ZNF610: variants seen among roughly 807,000 people sequenced by gnomAD.
The protein encoded by ZNF610 is zink finger protein.
Under a neutral mutation model 14.1 loss-of-function variants are expected in ZNF610, and 14 were observed. The ratio of observed to expected loss-of-function variants is 0.99; its 90% confidence interval spans 0.65 to 1.55. ZNF610 has a LOEUF of 1.55. Ranked by LOEUF, ZNF610 falls within the 40% of genes most tolerant of loss-of-function variation. ZNF610 has a pLI of 0.00. For synonymous variants in ZNF610, 185 were observed against 187.6 expected (o/e 0.99, Z 0.11); for missense variants, 530 against 558.0 (o/e 0.95, Z 0.51).
At position 52,366,783 on chromosome 19, in the gene ZNF610, T is replaced by C. The variant is rs1484382567; in HGVS notation, c.*16T>C. 6.3e-7 allele frequency: 1 copy of C among 1,586,180 alleles called. No individual in the cohort carries two copies. The highest frequency in any genetic ancestry group is 8.6e-7 in the Non-Finnish European group (1 of 1,160,340). On this transcript the variant is annotated 3_prime_UTR_variant, in exon 6 of 6. Coordinates refer to ENST00000403906, the MANE Select transcript of ZNF610 (RefSeq NM_001161425.2). ...GATGGAATGAATGTGGCAAAATCTT[T>C]AGTTAGAATTCACACCTAGCACAAC...
At position 52,365,987 on chromosome 19, in the gene ZNF610, A is replaced by T. The variant is rs376232739; in HGVS notation, c.609A>T (p.Glu203Asp). The change falls in exon 6 of 6, where the codon GAA becomes GAT. Residue 203 changes from glutamate to aspartate, a missense_variant. Transcript: ENST00000403906. Reference protein sequence around the residue: ...EKAYIRGKSYEYECSEDGEVF... With the variant: ...EKAYIRGKSYDYECSEDGEVF... ...CATACATTAGAGGAAAATCTTATGA[A>T]TATGAATGTAGTGAAGATGGTGAAG... is the stretch of plus-strand genomic sequence containing the variant. 5.0e-5 allele frequency: 80 copies of T among 1,614,030 alleles called. No homozygotes were observed. Among genetic ancestry groups the T allele is most frequent in the Admixed American group, 1.3e-4 (8 of 59,992 alleles).
Position 52,366,433 on chromosome 19 carries a change from T to G in ZNF610, c.1055T>G (p.Val352Gly). 3 of 1,614,158 alleles carry G rather than the reference T, an allele frequency of 1.9e-6. No homozygotes were observed. Among genetic ancestry groups the G allele is most frequent in the Non-Finnish European group, 2.5e-6 (3 of 1,180,028 alleles). ...TACAAATGTAATGAATGTGGCAAGG[T>G]CTTTAGTCTGCTTTCATACCTTGCA... The part of the protein sequence containing the change: ...KPYKCNECGK[V>G]FSLLSYLARH... The change falls in exon 6 of 6, where the codon GTC becomes GGC. Residue 352 changes from valine (V) to glycine (G), a missense_variant. Val to Gly is a moderately radical substitution (Grantham distance 109). Transcript: ENST00000403906.
chr19:52,356,250 G>A (rs1398954031), intron 5 of ZNF610, among the ~76,000 whole-genome samples: 2 of 152,148 alleles, frequency 1.3e-5, no homozygotes, highest in Admixed American at 6.5e-5. Context: ...GGAGTAGGTG[G>A]CTCTTCTGAG....
In ZNF610 at chr19:52,353,730, T is replaced by A. The variant is rs750337024; in HGVS notation, c.112T>A (p.Trp38Arg). Reference protein sequence around the residue: ...DVAIEFSQEEWKSLDPGQRAL... With the variant: ...DVAIEFSQEERKSLDPGQRAL... ...GGCCATCGAATTCTCTCAGGAGGAGTGGAAATCCCTGGACCCTGGACAGAG... is the reference window on the plus strand; with the variant it reads ...GGCCATCGAATTCTCTCAGGAGGAGAGGAAATCCCTGGACCCTGGACAGAG... Residue 38 changes from tryptophan (W) to arginine (R), a missense_variant, in exon 4 of 6, where the codon TGG becomes AGG. Trp to Arg is a moderately radical substitution (Grantham distance 101). Coordinates refer to ENST00000403906, the MANE Select transcript of ZNF610 (RefSeq NM_001161425.2). 3.7e-6 allele frequency: 6 copies of A among 1,613,912 alleles called. No individual in the cohort carries two copies. The South Asian group carries it at 6.6e-5, about 18-fold the overall frequency.
At chr19:52,337,155 C>T (rs538662843) in intron 1 of ZNF610, among the ~76,000 whole-genome samples, 55 of 151,914 alleles carry the variant, frequency 3.6e-4, no homozygotes, top group Middle Eastern at 6.8e-3. Flanking sequence ...GGGAGAGGGG[C>T]AGAAAGGGGG....
intron 5 of ZNF610, among the ~76,000 whole-genome samples, chr19:52,364,332 A>G (rs1985920529): frequency 6.6e-6 from 1 of 152,112 alleles, no homozygotes; most frequent in Non-Finnish European, 1.5e-5. Flanking sequence ...TCAGGATACT[A>G]TGTTTCCATA....
intron 3 of ZNF610, among the ~76,000 whole-genome samples, chr19:52,352,246 T>G (rs1985291947): frequency 6.6e-6 from 1 of 151,872 alleles, no homozygotes; most frequent in Admixed American, 6.6e-5. Flanking sequence ...TCTTTTTTTA[T>G]TTTTTTTGAG....
At chr19:52,348,341 A>G (rs1985065801) in intron 2 of ZNF610, 1 of 152,260 alleles carries the variant, frequency 6.6e-6, no homozygotes, top group African/African-American at 2.4e-5. Flanking sequence ...AATGCTATGT[A>G]GTTGTTATAC....
At chr19:52,359,689 C>T (rs1985689074) in intron 5 of ZNF610, among the ~76,000 whole-genome samples, 1 of 152,062 alleles carries the variant, frequency 6.6e-6, no homozygotes, top group Non-Finnish European at 1.5e-5. Context: ...GAGTTTTTTC[C>T]CACACATCAA....
chr19:52,344,743 T>C (rs1392346166), intron 1 of ZNF610, among the ~76,000 whole-genome samples: 1 of 152,196 alleles, frequency 6.6e-6, no homozygotes. Context: ...TGTACAACTT[T>C]TAAATTTCTT....
chr19:52,357,962 G>A (rs1055239608), intron 5 of ZNF610, among the ~76,000 whole-genome samples: 8 of 152,154 alleles, frequency 5.3e-5, no homozygotes, highest in Non-Finnish European at 1.2e-4. Context: ...TCACCTTCCT[G>A]TCAGCCTCGG....
At chr19:52,343,676 C>T (rs1332120097) in intron 1 of ZNF610, among the ~76,000 whole-genome samples, 1 of 152,158 alleles carries the variant, frequency 6.6e-6, no homozygotes, top group East Asian at 1.9e-4. Flanking sequence ...AAATGGCATC[C>T]AGCCCAGTGG....
chr19:52,355,785 T>G (rs1005951972), intron 5 of ZNF610, among the ~76,000 whole-genome samples: 3 of 152,208 alleles, frequency 2.0e-5, no homozygotes, highest in Admixed American at 1.3e-4. Flanking sequence ...TGCAGGATGT[T>G]TCTAAGGATA....
chr19:52,341,467 G>A (rs1199436538), intron 1 of ZNF610, among the ~76,000 whole-genome samples: 1 of 151,872 alleles, frequency 6.6e-6, no homozygotes, highest in Non-Finnish European at 1.5e-5. Flanking sequence ...ACGCCACCAT[G>A]CGTGGCTAAT....
intron 3 of ZNF610, among the ~76,000 whole-genome samples, chr19:52,352,615 C>T (rs905798976): frequency 2.6e-5 from 4 of 152,102 alleles, no homozygotes; most frequent in African/African-American, 4.8e-5. Context: ...TCCTGTCATT[C>T]GTTAGTTCTA....
intron 5 of ZNF610, among the ~76,000 whole-genome samples, chr19:52,364,577 G>T (rs1344056871): frequency 6.6e-6 from 1 of 152,014 alleles, no homozygotes; most frequent in Non-Finnish European, 1.5e-5. Flanking sequence ...TTGTTTGTTT[G>T]TTTGAGAAGG....
At chr19:52,358,332 C>T (rs1040184560) in intron 5 of ZNF610, among the ~76,000 whole-genome samples, 4 of 152,126 alleles carry the variant, frequency 2.6e-5, no homozygotes, top group African/African-American at 9.7e-5. Context: ...TACAGGCATG[C>T]GCCACCATGC....
In ZNF610 at chr19:52,353,219, C is replaced by T. The variant is rs144770312; in HGVS notation, c.64-463C>T. Among the ~76,000 whole-genome samples, 166 of 152,322 alleles carry T rather than the reference C, an allele frequency of 1.1e-3. 1 individual carries two copies. The highest frequency in any genetic ancestry group is 1.0e-3 in the Admixed American group (16 of 15,294). On this transcript the variant is annotated intron_variant, in intron 3 of 5. Transcript: ENST00000403906. ...CCTCCCGAAGTGCTGGAGTTACAGA[C>T]GTGAGCCACTGCGCCCAGCCTATTT...
intron 3 of ZNF610, among the ~76,000 whole-genome samples, chr19:52,350,987 CA>C (rs1401153888): frequency 6.6e-6 from 1 of 151,660 alleles, no homozygotes; most frequent in African/African-American, 2.4e-5. Context: ...GAAACAAGAG[CA>C]AAACTCCAAA....
Sources: allele counts gnomAD v4.1 joint callset (sites outside exome capture counted in the v4.1 genomes callset), GRCh38; gene constraint gnomAD v4.1.1; transcripts MANE v1.5; gene names NCBI Gene and HGNC (gene_info 2026-07-23, HGNC 2026-07-21).